Variants in AFAP1L2 observed in about 807,000 individuals in gnomAD.
AFAP1L2 encodes actin filament-associated protein 1-like 2.
AFAP1L2 carries 46 observed loss-of-function variants against 99.3 expected under a neutral mutation model. The observed-to-expected ratio is 0.46, with a 90% confidence interval of 0.37 to 0.59. The LOEUF (loss-of-function observed/expected upper bound fraction) is 0.59, where lower values mean the gene tolerates loss of function less well. AFAP1L2 is among the 20% of genes least tolerant of loss of function. The probability of loss-of-function intolerance (pLI) is 0.00; values close to 1 mark genes in which losing one functional copy is unlikely to be tolerated. For missense variants in AFAP1L2, 959 were observed against 1,034.9 expected, an observed-to-expected ratio of 0.93 and a Z score of 1.01; for synonymous variants, 397 against 419.1, an observed-to-expected ratio of 0.95 and a Z score of 0.64.
At chr10:114,293,306 A>G (rs2039771471), downstream of AFAP1L2, among the ~76,000 whole-genome samples, 2 of 152,194 alleles carry the variant, frequency 1.3e-5, no homozygotes, top group Non-Finnish European at 2.9e-5. Flanking sequence ...ACATGAATGC[A>G]TTGTCTTTAA....
intron 13 of AFAP1L2, among the ~76,000 whole-genome samples, 171 bp downstream of exon 13, chr10:114,301,183 A>G (rs1173710802): frequency 6.6e-6 from 1 of 152,178 alleles, no homozygotes; most frequent in African/African-American, 2.4e-5. Context: ...AGCCTCACAT[A>G]TAGGAGACAG....
intron 2 of AFAP1L2, among the ~76,000 whole-genome samples, chr10:114,338,142 G>A (rs1262996503): frequency 6.6e-6 from 1 of 152,220 alleles, no homozygotes; most frequent in African/African-American, 2.4e-5. Context: ...TGCTTATTCA[G>A]AGAATAGAAA....
At chr10:114,318,131 T>C (rs2044441143) in intron 5 of AFAP1L2, among the ~76,000 whole-genome samples, 2 of 152,234 alleles carry the variant, frequency 1.3e-5, no homozygotes, top group Non-Finnish European at 2.9e-5. Context: ...ATAGTTGATT[T>C]GATGGGTAGT....
chr10:114,352,196 G>A (rs964438817), intron 1 of AFAP1L2, among the ~76,000 whole-genome samples: 2 of 152,170 alleles, frequency 1.3e-5, no homozygotes, highest in Non-Finnish European at 2.9e-5. Context: ...TGTAGGCTGG[G>A]TGCAGTGGCT....
At chr10:114,383,753 C>A (rs982254487) in intron 1 of AFAP1L2, among the ~76,000 whole-genome samples, 3 of 152,148 alleles carry the variant, frequency 2.0e-5, no homozygotes, top group African/African-American at 7.2e-5. Context: ...TGGGTCCAAC[C>A]AACTTGGAAA....
At chr10:114,378,262 G>T (rs535640115) in intron 1 of AFAP1L2, among the ~76,000 whole-genome samples, 3 of 152,282 alleles carry the variant, frequency 2.0e-5, no homozygotes, top group African/African-American at 7.2e-5. Context: ...AATTGACTGG[G>T]AATTTTCAGT....
chr10:114,320,170 A>G (rs1396810675), intron 5 of AFAP1L2, among the ~76,000 whole-genome samples: 1 of 152,186 alleles, frequency 6.6e-6, no homozygotes, highest in Admixed American at 6.5e-5. Flanking sequence ...GTGAGACACC[A>G]TCAGTGAAGA....
intron 4 of AFAP1L2, among the ~76,000 whole-genome samples, chr10:114,324,415 C>T (rs1398787359): frequency 1.4e-5 from 2 of 145,254 alleles, no homozygotes; most frequent in Non-Finnish European, 3.0e-5. Context: ...CCCCCCCCGG[C>T]TAATTTTTGT....
the AFAP1L2 span, among the ~76,000 whole-genome samples, chr10:114,284,667 AC>A: frequency 6.6e-6 from 1 of 151,730 alleles, no homozygotes; most frequent in Admixed American, 6.6e-5. Flanking sequence ...ATCCTTTACC[AC>A]CCGTGCCCAG....
chr10:114,402,641 G>A (rs2058330716), intron 1 of AFAP1L2, among the ~76,000 whole-genome samples: 1 of 152,192 alleles, frequency 6.6e-6, no homozygotes, highest in Admixed American at 6.5e-5. Flanking sequence ...TCCTCTTCGA[G>A]GGTGGGAGGA....
At chr10:114,286,730 G>T in the AFAP1L2 span, among the ~76,000 whole-genome samples, 1 of 152,200 alleles carries the variant, frequency 6.6e-6, no homozygotes, top group Non-Finnish European at 1.5e-5. Flanking sequence ...GTGAGAATTA[G>T]GTAAGATGGG....
At chr10:114,286,969 C>T in the AFAP1L2 span, among the ~76,000 whole-genome samples, 6 of 152,180 alleles carry the variant, frequency 3.9e-5, no homozygotes, top group Admixed American at 2.6e-4. Context: ...TGTGCATGCA[C>T]ACGCGCTGGT....
rs137887124 is a variant in AFAP1L2 at position 114,297,887 on chromosome 10, G to A, written c.2114-474C>T. ...CCTCTTGGGTTGATGCTGCCACACC[G>A]TGAAATGATGCCTAGGGCCTGTATC... On this transcript the variant is annotated intron_variant, in intron 16 of 18. Transcript: ENST00000304129. 4.7e-4 allele frequency among the ~76,000 whole-genome samples: 72 copies of A among 152,270 alleles called. No homozygotes were observed. The East Asian group carries it at 0.012, about 26-fold the overall frequency.
At chr10:114,380,391 C>T (rs1368576166) in intron 1 of AFAP1L2, among the ~76,000 whole-genome samples, 1 of 152,190 alleles carries the variant, frequency 6.6e-6, no homozygotes, top group Non-Finnish European at 1.5e-5. Flanking sequence ...GAATGAAAAA[C>T]TCTACCTTTC....
chr10:114,404,629 C>T (rs2058558444), upstream of AFAP1L2: 5 of 883,458 alleles, frequency 5.7e-6, no homozygotes, highest in East Asian at 3.7e-5. Flanking sequence ...CCAGGGCTCG[C>T]CCCCAGCGCC....
At chr10:114,360,518 T>TAGATAGATAGATAGAC (rs2052176608) in intron 1 of AFAP1L2, among the ~76,000 whole-genome samples, 1 of 140,638 alleles carries the variant, frequency 7.1e-6, no homozygotes, top group South Asian at 2.3e-4. Flanking sequence ...GTTAGATAGA[T>TAGATAGATAGATAGAC]AGATAGATAG....
At chr10:114,287,934 A>G in the AFAP1L2 span, among the ~76,000 whole-genome samples, 1 of 152,166 alleles carries the variant, frequency 6.6e-6, no homozygotes, top group African/African-American at 2.4e-5. Flanking sequence ...CCCACAGTAC[A>G]TGTAGTCAGC....
Position 114,340,709 on chromosome 10 carries a change from C to G in AFAP1L2, c.39G>C (p.Glu13Asp). ...RYKALEQLLT[E>D]LDDFLKILDQ... The stretch of plus-strand genomic sequence containing the variant: ...CAAGAATCTTGAGGAAGTCATCCAA[C>G]TCTGTCAGCAGCTGTTCCAGGGCTA... Residue 13 changes from glutamate (E) to aspartate (D), a missense_variant, in exon 2 of 19, where the codon GAG becomes GAC. Physicochemically the swap from Glu to Asp is conservative, Grantham distance 45 (BLOSUM62 2). Transcript: ENST00000304129. 1 of 1,614,260 alleles carries G rather than the reference C, an allele frequency of 6.2e-7. No homozygotes were observed. The highest frequency in any genetic ancestry group is 8.5e-7 in the Non-Finnish European group (1 of 1,180,048).
intron 1 of AFAP1L2, among the ~76,000 whole-genome samples, chr10:114,399,383 G>A (rs1247887925): frequency 6.6e-6 from 1 of 152,204 alleles, no homozygotes; most frequent in Non-Finnish European, 1.5e-5. Flanking sequence ...CCTGAAGATT[G>A]AGGAGAGTTT....
Sources: allele counts gnomAD v4.1 joint callset (sites outside exome capture counted in the v4.1 genomes callset), GRCh38; gene constraint gnomAD v4.1.1; transcripts MANE v1.5; gene names NCBI Gene and HGNC (gene_info 2026-07-23, HGNC 2026-07-21).